The following PBRM1 variants were observed in gnomAD, a reference collection of about 807,000 sequenced individuals.
The protein encoded by PBRM1 is protein polybromo-1.
PBRM1 carries 27 observed loss-of-function variants against 194.5 expected under a neutral mutation model. That is an observed-to-expected ratio of 0.14 (90% CI 0.10 to 0.19). The LOEUF (loss-of-function observed/expected upper bound fraction) is 0.19, where lower values mean the gene tolerates loss of function less well. PBRM1 is among the 10% of genes least tolerant of loss of function. The pLI is 1.00. For missense variants in PBRM1, 1,466 were observed against 2,077.2 expected (o/e 0.71, Z 5.72); for synonymous variants, 655 against 693.2 (o/e 0.94, Z 0.87).
intron 29 of PBRM1, among the ~76,000 whole-genome samples, chr3:52,549,833 G>A (rs1341032654): frequency 6.6e-6 from 1 of 151,936 alleles, no homozygotes; most frequent in Non-Finnish European, 1.5e-5. Flanking sequence ...TGAACCTGGG[G>A]GTCGGAGGTT....
chr3:52,616,419 C>A (rs187587192), intron 14 of PBRM1, among the ~76,000 whole-genome samples: 8 of 152,136 alleles, frequency 5.3e-5, no homozygotes, highest in Non-Finnish European at 1.2e-4. Context: ...TTTGGCCAGG[C>A]GCAGTGGCTC....
upstream of PBRM1, among the ~76,000 whole-genome samples, chr3:52,681,490 T>C (rs1158051313): frequency 6.6e-6 from 1 of 152,146 alleles, no homozygotes; most frequent in Non-Finnish European, 1.5e-5. Flanking sequence ...GTTCATTTTA[T>C]AAAAAGCTGA....
intron 17 of PBRM1, among the ~76,000 whole-genome samples, chr3:52,591,889 C>T (rs1401616283): frequency 2.2e-5 from 3 of 133,420 alleles, no homozygotes; most frequent in Non-Finnish European, 3.2e-5. Context: ...TGCAGTGGCG[C>T]CATCTCGGCT....
chr3:52,555,687 A>T (rs1474019614), intron 26 of PBRM1, among the ~76,000 whole-genome samples: 2 of 152,214 alleles, frequency 1.3e-5, no homozygotes, highest in Non-Finnish European at 2.9e-5. Flanking sequence ...ATGTCCTCAT[A>T]TAAACCTTAA....
At chr3:52,654,108 C>T (rs1311256739) in intron 5 of PBRM1, among the ~76,000 whole-genome samples, 1 of 152,130 alleles carries the variant, frequency 6.6e-6, no homozygotes, top group African/African-American at 2.4e-5. Flanking sequence ...AAAAGTTGGT[C>T]TTATCAGATG....
chr3:52,666,342 G>C (rs1456716939), intron 3 of PBRM1, among the ~76,000 whole-genome samples: 1 of 151,968 alleles, frequency 6.6e-6, no homozygotes, highest in African/African-American at 2.4e-5. Flanking sequence ...CAGGAGTTCA[G>C]GACCAGCCTG....
chr3:52,681,153 T>TACG (rs1033268851), upstream of PBRM1: 1 of 151,392 alleles, frequency 6.6e-6, no homozygotes, highest in African/African-American at 2.4e-5. Context: ...TTCAGGACAC[T>TACG]ACGACACCAG....
At chr3:52,629,600 CATA>C (rs1399992216) in intron 11 of PBRM1, among the ~76,000 whole-genome samples, 4 of 152,174 alleles carry the variant, frequency 2.6e-5, no homozygotes, top group South Asian at 2.1e-4. Context: ...AATATAAACA[CATA>C]ATAACTTGGC....
At chr3:52,651,756 C>A (rs761749676) in exon 6 of PBRM1, 2 of 1,597,288 alleles carry the variant, frequency 1.3e-6, no homozygotes, top group Non-Finnish European at 1.7e-6. Context: ...ATCCTCTGGG[C>A]AATGGTCTTG....
chr3:52,559,520 T>G (rs767399059), intron 25 of PBRM1, among the ~76,000 whole-genome samples: 5 of 152,086 alleles, frequency 3.3e-5, no homozygotes, highest in Non-Finnish European at 7.3e-5. Flanking sequence ...TGTCCAAGGA[T>G]AGAGAGAACC....
chr3:52,637,434 C>A (rs893287836), intron 10 of PBRM1, among the ~76,000 whole-genome samples: 1 of 151,974 alleles, frequency 6.6e-6, no homozygotes, highest in Admixed American at 6.6e-5. Flanking sequence ...GCGTTTGAGA[C>A]CAGTATGGGC....
chr3:52,652,784 G>A (rs1439778021), intron 5 of PBRM1, among the ~76,000 whole-genome samples: 1 of 152,016 alleles, frequency 6.6e-6, no homozygotes, highest in African/African-American at 2.4e-5. Flanking sequence ...GATCACTTGA[G>A]GTCAGAAGTT....
exon 27 of PBRM1, chr3:52,554,732 G>A: frequency 6.4e-7 from 1 of 1,553,002 alleles, no homozygotes. Context: ...ACCCGGTGGT[G>A]GGATGCCCGG....
At chr3:52,669,430 A>C (rs945186450) in intron 2 of PBRM1, among the ~76,000 whole-genome samples, 1 of 152,186 alleles carries the variant, frequency 6.6e-6, no homozygotes, top group Non-Finnish European at 1.5e-5. Flanking sequence ...TTCCCAAAAT[A>C]ACTTCTTGGG....
intron 20 of PBRM1, among the ~76,000 whole-genome samples, chr3:52,583,390 AAC>A (rs1430644447): frequency 1.3e-5 from 2 of 151,868 alleles, no homozygotes; most frequent in Admixed American, 1.3e-4. Flanking sequence ...CAGCCTGGGC[AAC>A]AGTGAGACTC....
chr3:52,656,660 G>A (rs1181863608), intron 5 of PBRM1, among the ~76,000 whole-genome samples: 4 of 152,084 alleles, frequency 2.6e-5, no homozygotes, highest in African/African-American at 9.7e-5. Context: ...ACGAGACTCC[G>A]TCTCAACAAT....
intron 17 of PBRM1, among the ~76,000 whole-genome samples, chr3:52,600,021 T>TTTTTG (rs1490939683): frequency 1.6e-4 from 25 of 152,270 alleles, no homozygotes; most frequent in African/African-American, 5.8e-4. Flanking sequence ...ACAATCACAA[T>TTTTTG]TTTTGTTTTT....
At chr3:52,608,102 C>T (rs1427225651) in intron 16 of PBRM1, among the ~76,000 whole-genome samples, 3 of 151,898 alleles carry the variant, frequency 2.0e-5, no homozygotes, top group Non-Finnish European at 4.4e-5. Flanking sequence ...GGCATGTTGT[C>T]TCATGTGTGG....
intron 18 of PBRM1, 106 bp from the exon 21 acceptor site, chr3:52,587,616 C>A: frequency 1.2e-6 from 1 of 837,250 alleles, no homozygotes. Context: ...CACTACGTTG[C>A]CCAGGCTGGA....
Sources: allele counts gnomAD v4.1 joint callset (sites outside exome capture counted in the v4.1 genomes callset), GRCh38; gene constraint gnomAD v4.1.1; transcripts MANE v1.5; gene names NCBI Gene and HGNC (gene_info 2026-07-23, HGNC 2026-07-21).